Variants in SMPDL3A observed in about 807,000 individuals in gnomAD.
The protein encoded by SMPDL3A is cyclic GMP-AMP phosphodiesterase SMPDL3A.
Under a neutral mutation model 38.5 loss-of-function variants are expected in SMPDL3A, and 39 were observed. That is an observed-to-expected ratio of 1.01 (90% CI 0.78 to 1.32). SMPDL3A has a LOEUF of 1.32. SMPDL3A is among the 40% of genes most tolerant of loss of function. The pLI is 0.00. For missense variants in SMPDL3A, 502 were observed against 536.2 expected, an observed-to-expected ratio of 0.94 and a Z score of 0.63; for synonymous variants, 180 against 194.3, an observed-to-expected ratio of 0.93 and a Z score of 0.61.
At chr6:122,796,281 G>C (rs1417110987) in intron 2 of SMPDL3A, among the ~76,000 whole-genome samples, 2 of 152,278 alleles carry the variant, frequency 1.3e-5, no homozygotes, top group East Asian at 3.9e-4. Flanking sequence ...CATCATTATA[G>C]GGTGAAGAGG....
chr6:122,804,090 C>T (rs998766543), intron 5 of SMPDL3A, among the ~76,000 whole-genome samples: 2 of 148,838 alleles, frequency 1.3e-5, no homozygotes, highest in African/African-American at 2.5e-5. Flanking sequence ...TAGGCTGAAG[C>T]GATTCTCCTG....
At chr6:122,796,215 G>T (rs1781245276) in intron 2 of SMPDL3A, among the ~76,000 whole-genome samples, 1 of 152,248 alleles carries the variant, frequency 6.6e-6, no homozygotes, top group African/African-American at 2.4e-5. Flanking sequence ...AAGTTTACCT[G>T]TCATGACAAT....
Position 122,796,832 on chromosome 6 carries a change from C to T in SMPDL3A, c.335C>T (p.Pro112Leu). The change falls in exon 3 of 8, where the codon CCA becomes CTA. Residue 112 changes from proline (P) to leucine (L), a missense_variant. Physicochemically the swap from Pro to Leu is moderately conservative, Grantham distance 98. Coordinates refer to ENST00000368440, the MANE Select transcript of SMPDL3A (RefSeq NM_006714.5). Reference protein sequence around the residue: ...ASFMIWTGDSPPHVPVPELST... With the variant: ...ASFMIWTGDSLPHVPVPELST... ...TCTCTCTCTTTTTTCAGGGATAGCCCACCTCATGTTCCTGTACCTGAACTC... is the reference window on the plus strand; with the variant it reads ...TCTCTCTCTTTTTTCAGGGATAGCCTACCTCATGTTCCTGTACCTGAACTC... 6.2e-7 allele frequency: 1 copy of T among 1,609,814 alleles called. No homozygotes were observed. Among genetic ancestry groups the T allele is most frequent in the Non-Finnish European group, 8.5e-7 (1 of 1,178,186 alleles).
At chr6:122,805,676 C>T (rs574039578) in intron 6 of SMPDL3A, among the ~76,000 whole-genome samples, 5 of 152,230 alleles carry the variant, frequency 3.3e-5, no homozygotes, top group African/African-American at 1.2e-4. Flanking sequence ...CAGGCTGGAG[C>T]GCACCCTGCG....
chr6:122,796,779 T>G (rs757684849), intron 2 of SMPDL3A, 45 bp from the exon 3 acceptor site: 1 of 1,574,462 alleles, frequency 6.4e-7, no homozygotes, highest in East Asian at 2.2e-5. Context: ...CTAGTAACTC[T>G]TTATGAAACT....
At chr6:122,800,071 C>G (rs1781379050) in intron 3 of SMPDL3A, among the ~76,000 whole-genome samples, 1 of 150,338 alleles carries the variant, frequency 6.7e-6, no homozygotes, top group African/African-American at 2.4e-5. Context: ...GGGGCTCAAG[C>G]TGTCCTCCTG....
chr6:122,790,227 A>G (rs1781032889), intron 1 of SMPDL3A, among the ~76,000 whole-genome samples: 1 of 152,090 alleles, frequency 6.6e-6, no homozygotes, highest in Admixed American at 6.6e-5. Flanking sequence ...TCCCAGACCT[A>G]CTGAATCTGA....
chr6:122,806,498 A>G (rs1437222657), intron 7 of SMPDL3A, 141 bp downstream of exon 7: 7 of 859,962 alleles, frequency 8.1e-6, no homozygotes, highest in African/African-American at 3.4e-5. Context: ...TCTTTTTTAT[A>G]CTTGCAATGT....
intron 1 of SMPDL3A, among the ~76,000 whole-genome samples, chr6:122,792,468 C>T (rs147370455): frequency 1.1e-3 from 173 of 152,064 alleles, no homozygotes; most frequent in African/African-American, 4.1e-3. Flanking sequence ...TAGATGCTGG[C>T]GATATAAATC....
intron 7 of SMPDL3A, among the ~76,000 whole-genome samples, chr6:122,808,422 C>T (rs1781708135): frequency 6.6e-6 from 1 of 152,168 alleles, no homozygotes; most frequent in African/African-American, 2.4e-5. Flanking sequence ...GAGCTGCCTT[C>T]AGCACACCAC....
rs1378275009 is a variant in SMPDL3A at position 122,796,820 on chromosome 6, TCAGGGATAG to T, written c.327-2_333del. The T allele has an allele frequency of 6.2e-7, 1 of 1,608,106 alleles. No homozygotes were observed. Among genetic ancestry groups the T allele is most frequent in the South Asian group, 1.1e-5 (1 of 89,404 alleles). ...TGTTCTTTACAATCTCTCTCTTTTT[TCAGGGATAG>T]CCCACCTCATGTTCCTGTACCTGAA... On this transcript the variant is annotated splice_acceptor_variant and splice_polypyrimidine_tract_variant and coding_sequence_variant and intron_variant, in exon 3 of 8. Coordinates refer to ENST00000368440, the MANE Select transcript of SMPDL3A (RefSeq NM_006714.5). LOFTEE classifies it high-confidence loss of function.
intron 7 of SMPDL3A, among the ~76,000 whole-genome samples, chr6:122,808,609 C>T (rs11757210): frequency 0.36 from 15,730 of 43,822 alleles, 1,681 homozygotes; most frequent in East Asian, 0.5. Context: ...CTCCCTCCCT[C>T]CCTTCCTTCC....
At chr6:122,801,626 A>T (rs561481191) in intron 4 of SMPDL3A, among the ~76,000 whole-genome samples, 2 of 152,012 alleles carry the variant, frequency 1.3e-5, no homozygotes, top group South Asian at 4.2e-4. Flanking sequence ...TTCTTCTTCT[A>T]CTCTTAATTA....
At chr6:122,797,454 T>C (rs1317059114) in intron 3 of SMPDL3A, 4 of 152,582 alleles carry the variant, frequency 2.6e-5, no homozygotes, top group African/African-American at 9.6e-5. Flanking sequence ...AGGAGGTCCA[T>C]GTTCAAGTCA....
rs1359311317 is a variant in SMPDL3A, at chr6:122,803,647, T to A, written c.569-17T>A. 3.1e-6 allele frequency: 5 copies of A among 1,597,686 alleles called. No individual in the cohort carries two copies. The highest frequency in any genetic ancestry group is 4.3e-6 in the Non-Finnish European group (5 of 1,167,616). ...TGTGTATGTTTTCCTAAATGTGTTT[T>A]AAAATTGTTTTTATAGGTGGTTTTT... On this transcript the variant is annotated splice_polypyrimidine_tract_variant and intron_variant, in intron 4 of 7. Coordinates refer to ENST00000368440, the MANE Select transcript of SMPDL3A (RefSeq NM_006714.5).
chr6:122,789,268 T>A lies in SMPDL3A; in HGVS notation c.-79T>A, dbSNP rs1481121170. On this transcript the variant is annotated 5_prime_UTR_variant, in exon 1 of 8. Transcript: ENST00000368440. ...TCTACACCCGCAGCCGTCTTCTGTC[T>A]CCGCCTCACCCTCAGGCCTGACGGT... 2.9e-6 allele frequency: 3 copies of A among 1,024,896 alleles called. No individual in the cohort carries two copies. Among genetic ancestry groups the A allele is most frequent in the East Asian group, 2.7e-5 (1 of 36,844 alleles). The allele number at this position is 1,024,896 out of a possible 1,614,324, so 63.5% of individuals were successfully genotyped here. A position where few individuals can be genotyped will look rare whatever the true frequency, so the allele number is the denominator to read the frequency against.
chr6:122,794,951 C>G (rs933921163), intron 1 of SMPDL3A, among the ~76,000 whole-genome samples: 1 of 152,108 alleles, frequency 6.6e-6, no homozygotes, highest in South Asian at 2.1e-4. Context: ...CATATTTATA[C>G]GTCAATTTTT....
rs775306369 is a variant in SMPDL3A at position 122,805,075 on chromosome 6, T to C, written c.905T>C (p.Leu302Pro). ...ACTCACAGAGACAGCATTATGGTTC[T>C]TTCAGATAAAAAAGGTAATGTAATG... Reference protein sequence around the residue: ...GHTHRDSIMVLSDKKGSPVNS... With the variant: ...GHTHRDSIMVPSDKKGSPVNS... Residue 302 changes from leucine to proline, a missense_variant, in exon 6 of 8, where the codon CTT becomes CCT. Coordinates refer to ENST00000368440, the MANE Select transcript of SMPDL3A (RefSeq NM_006714.5). 40 of 1,601,712 alleles carry C rather than the reference T, an allele frequency of 2.5e-5. No homozygotes were observed. Among genetic ancestry groups the C allele is most frequent in the Non-Finnish European group, 3.1e-5 (36 of 1,175,810 alleles).
At position 122,809,559 on chromosome 6, in the gene SMPDL3A, A is replaced by AGAT. The variant is rs1398318314; in HGVS notation, c.*152_*154dup. On this transcript the variant is annotated 3_prime_UTR_variant, in exon 8 of 8. Transcript: ENST00000368440. Reference sequence around the variant, plus strand: ...TTTTTTCTTTTTGATGCCTTAATGTAGATATCTTTATCATTCTGAATTGTA... The same window carrying AGAT: ...TTTTTTCTTTTTGATGCCTTAATGTAGATGATATCTTTATCATTCTGAATTGTA... 5 of 590,492 alleles carry AGAT rather than the reference A, an allele frequency of 8.5e-6. No homozygotes were observed. The highest frequency in any genetic ancestry group is 1.5e-5 in the Non-Finnish European group (5 of 334,242). The allele number at this position is 590,492 out of a possible 1,614,324, so 36.6% of individuals were successfully genotyped here. A position where few individuals can be genotyped will look rare whatever the true frequency, so the allele number is the denominator to read the frequency against.
Sources: allele counts gnomAD v4.1 joint callset (sites outside exome capture counted in the v4.1 genomes callset), GRCh38; gene constraint gnomAD v4.1.1; transcripts MANE v1.5; gene names NCBI Gene and HGNC (gene_info 2026-07-23, HGNC 2026-07-21).